CALCRL: variants seen among roughly 807,000 people sequenced by gnomAD.
The protein encoded by CALCRL is calcitonin gene-related peptide type 1 receptor.
CALCRL carries 27 observed loss-of-function variants against 60.4 expected under a neutral mutation model. The observed-to-expected ratio is 0.45, with a 90% CI of 0.33 to 0.62. The LOEUF is 0.62. Ranked by LOEUF, CALCRL falls within the 20% of genes least tolerant of loss-of-function variation. CALCRL has a pLI of 0.03. For missense variants in CALCRL, 424 were observed against 540.7 expected (o/e 0.78, Z 2.14); for synonymous variants, 190 against 182.6 (o/e 1.04, Z -0.33).
intron 1 of CALCRL, among the ~76,000 whole-genome samples, chr2:187,426,344 T>C (rs547550649): frequency 1.6e-4 from 24 of 152,010 alleles, no homozygotes; most frequent in African/African-American, 5.3e-4. Flanking sequence ...GCAACAAAAT[T>C]TGTACACAGA....
chr2:187,380,971 CAATT>C (rs1225908446), intron 5 of CALCRL, among the ~76,000 whole-genome samples, 184 bp from the exon 6 acceptor site: 6 of 151,718 alleles, frequency 4.0e-5, no homozygotes, highest in South Asian at 2.1e-4. Flanking sequence ...AATAATTTCT[CAATT>C]AAATTCTAAA....
chr2:187,362,950 G>A (rs1372484470), intron 9 of CALCRL, among the ~76,000 whole-genome samples: 1 of 151,892 alleles, frequency 6.6e-6, no homozygotes, highest in African/African-American at 2.4e-5. Context: ...ACTATTTTTC[G>A]AATTACGCAG....
chr2:187,437,978 T>G (rs1690724421), intron 1 of CALCRL, among the ~76,000 whole-genome samples: 1 of 152,164 alleles, frequency 6.6e-6, no homozygotes, highest in Non-Finnish European at 1.5e-5. Flanking sequence ...GGATGTATGT[T>G]GACAATCAGT....
chr2:187,387,040 CA>C (rs1688235283), intron 3 of CALCRL, among the ~76,000 whole-genome samples: 1 of 152,106 alleles, frequency 6.6e-6, no homozygotes, highest in Admixed American at 6.6e-5. Flanking sequence ...ATGTGTTTAT[CA>C]GCAGCATGAA....
intron 4 of CALCRL, 72 bp downstream of exon 4, chr2:187,385,473 T>C: frequency 1.3e-6 from 1 of 765,498 alleles, no homozygotes. Context: ...AGTAACTTCA[T>C]TAATATTCTT....
intron 1 of CALCRL, among the ~76,000 whole-genome samples, chr2:187,400,355 A>T (rs373365061): frequency 1.3e-5 from 2 of 151,494 alleles, no homozygotes; most frequent in South Asian, 4.1e-4. Context: ...ACCCACTAGG[A>T]TAGATATAAT....
chr2:187,348,520 A>G (rs1194068707), intron 14 of CALCRL, among the ~76,000 whole-genome samples: 1 of 151,640 alleles, frequency 6.6e-6, no homozygotes, highest in East Asian at 1.9e-4. Flanking sequence ...TTATAGTCTT[A>G]AAAAGGAAAG....
chr2:187,393,859 T>C (rs1381224981), intron 1 of CALCRL, among the ~76,000 whole-genome samples: 3 of 152,042 alleles, frequency 2.0e-5, no homozygotes, highest in Non-Finnish European at 4.4e-5. Context: ...CCCAGGTGAT[T>C]TTAATATATA....
intron 1 of CALCRL, among the ~76,000 whole-genome samples, chr2:187,411,497 T>A (rs1265486691): frequency 6.6e-6 from 1 of 152,104 alleles, no homozygotes; most frequent in Non-Finnish European, 1.5e-5. Flanking sequence ...CAAGGATGAA[T>A]TTGAGCCAGT....
intron 1 of CALCRL, among the ~76,000 whole-genome samples, chr2:187,391,811 A>G (rs1688458918): frequency 6.6e-6 from 1 of 152,118 alleles, no homozygotes; most frequent in Non-Finnish European, 1.5e-5. Context: ...TGTGAAAAAT[A>G]AAAATGTCTT....
intron 1 of CALCRL, among the ~76,000 whole-genome samples, chr2:187,428,167 G>A (rs1690233936): frequency 6.6e-6 from 1 of 152,166 alleles, no homozygotes. Flanking sequence ...AAATCTTTTA[G>A]TGATGAAGAA....
intron 1 of CALCRL, chr2:187,428,675 C>T (rs1229715926): frequency 1.3e-5 from 2 of 152,270 alleles, no homozygotes; most frequent in South Asian, 4.1e-4. Context: ...GGGTGGATCA[C>T]GAGGTCGGGA....
At chr2:187,409,385 A>T (rs914782223) in intron 1 of CALCRL, among the ~76,000 whole-genome samples, 2 of 152,240 alleles carry the variant, frequency 1.3e-5, no homozygotes, top group South Asian at 4.1e-4. Flanking sequence ...TACTAGGCTC[A>T]AATAACTGTA....
intron 9 of CALCRL, among the ~76,000 whole-genome samples, chr2:187,361,083 A>G (rs1247473437): frequency 6.6e-6 from 1 of 152,080 alleles, no homozygotes. Context: ...ATAACTTTAC[A>G]CTTATTTATA....
At position 187,380,801 on chromosome 2, in the gene CALCRL, T is replaced by G; in HGVS notation, c.185-14A>C. On this transcript the variant is annotated splice_polypyrimidine_tract_variant and intron_variant, in intron 5 of 14. Coordinates refer to ENST00000392370, the MANE Select transcript of CALCRL (RefSeq NM_005795.6). ...TGCAGTAAACGCCTTAGTGGGGAAATAATAATTGGGGATAATTAAATCCTT... is the reference window on the plus strand; with the variant it reads ...TGCAGTAAACGCCTTAGTGGGGAAAGAATAATTGGGGATAATTAAATCCTT... The G allele has an allele frequency of 6.3e-7, 1 of 1,589,520 alleles. No individual in the cohort carries two copies. Among genetic ancestry groups the G allele is most frequent in the Non-Finnish European group, 8.6e-7 (1 of 1,158,856 alleles).
intron 1 of CALCRL, among the ~76,000 whole-genome samples, chr2:187,406,502 A>G (rs897411590): frequency 4.6e-5 from 7 of 152,202 alleles, no homozygotes; most frequent in Middle Eastern, 3.4e-3. Flanking sequence ...TTGCTAAGAA[A>G]AAGGGAAAGG....
chr2:187,426,186 T>C lies in CALCRL; in HGVS notation c.-293+21853A>G, dbSNP rs541861310. Reference sequence around the variant, plus strand: ...GATAAAGTGACAGGGAAATAGATCATTAGATGAGCACGTAACACTTTAAAA... The same window carrying C: ...GATAAAGTGACAGGGAAATAGATCACTAGATGAGCACGTAACACTTTAAAA... On this transcript the variant is annotated intron_variant, in intron 1 of 14. Coordinates refer to ENST00000392370, the MANE Select transcript of CALCRL (RefSeq NM_005795.6). Among the ~76,000 whole-genome samples, 3 of 151,094 alleles carry C rather than the reference T, an allele frequency of 2.0e-5. No homozygotes were observed. The East Asian group carries it at 5.8e-4, about 29-fold the overall frequency.
At chr2:187,431,078 G>C (rs555067808) in intron 1 of CALCRL, among the ~76,000 whole-genome samples, 1 of 152,152 alleles carries the variant, frequency 6.6e-6, no homozygotes, top group South Asian at 2.1e-4. Flanking sequence ...AGGTGCCAAG[G>C]AAATAATTTT....
chr2:187,396,021 T>TTTTGTTGTTG (rs796644471), intron 1 of CALCRL, among the ~76,000 whole-genome samples: 1 of 63,766 alleles, frequency 1.6e-5, no homozygotes, highest in East Asian at 5.0e-4. Context: ...CCTGACACTG[T>TTTTGTTGTTG]TTGTTGTTGT....
Sources: allele counts gnomAD v4.1 joint callset (sites outside exome capture counted in the v4.1 genomes callset), GRCh38; gene constraint gnomAD v4.1.1; transcripts MANE v1.5; gene names NCBI Gene and HGNC (gene_info 2026-07-23, HGNC 2026-07-21).